The following ZDHHC20 variants were observed in gnomAD, a reference collection of about 807,000 sequenced individuals.
ZDHHC20 encodes palmitoyltransferase ZDHHC20.
Under a neutral mutation model 57.8 loss-of-function variants are expected in ZDHHC20, and 43 were observed. The ratio of observed to expected loss-of-function variants is 0.74; its 90% CI spans 0.58 to 0.96. The LOEUF (loss-of-function observed/expected upper bound fraction) is 0.96, where lower values mean the gene tolerates loss of function less well. Among genes scored for constraint, ZDHHC20 ranks in the 40% least tolerant of loss-of-function variants. The probability of loss-of-function intolerance (pLI) is 0.00; values close to 1 mark genes in which losing one functional copy is unlikely to be tolerated. For missense variants in ZDHHC20, 391 were observed against 441.1 expected (o/e 0.89, Z 1.02); for synonymous variants, 157 against 153.0 (o/e 1.03, Z -0.19).
Position 21,448,475 on chromosome 13 carries a change from A to G in ZDHHC20, c.118+10579T>C, listed in dbSNP as rs1252584798. 1.5e-4 allele frequency among the ~76,000 whole-genome samples: 13 copies of G among 88,222 alleles called. 4 individuals carry two copies. The highest frequency in any genetic ancestry group is 3.4e-4 in the Non-Finnish European group (13 of 38,376). The allele number at this position is 88,222 out of a possible 152,430, so 57.9% of individuals were successfully genotyped here. On this transcript the variant is annotated intron_variant, in intron 1 of 12. Transcript: ENST00000400590. The stretch of plus-strand genomic sequence containing the variant: ...GTCCGGGAAGGAGGTGGGGGGGGTC[A>G]GCCCCGCCGCCCGGCCAGCCGCCCC...
At chr13:21,417,165 C>T (rs1417520157) in intron 3 of ZDHHC20, among the ~76,000 whole-genome samples, 2 of 152,152 alleles carry the variant, frequency 1.3e-5, no homozygotes, top group Non-Finnish European at 1.5e-5. Flanking sequence ...ACCACTTCCT[C>T]GGAGATTTAT....
chr13:21,428,662 C>T (rs1046112503), intron 1 of ZDHHC20, among the ~76,000 whole-genome samples: 1 of 151,488 alleles, frequency 6.6e-6, no homozygotes, highest in Admixed American at 6.6e-5. Context: ...AGTTCAAGAC[C>T]AGCCTGGCCA....
intron 4 of ZDHHC20, among the ~76,000 whole-genome samples, chr13:21,412,072 A>G (rs1372847666): frequency 6.6e-6 from 1 of 152,180 alleles, no homozygotes; most frequent in Non-Finnish European, 1.5e-5. Flanking sequence ...TGGCGATTGG[A>G]TGCTCTGGGC....
intron 3 of ZDHHC20, among the ~76,000 whole-genome samples, chr13:21,418,476 C>A (rs534686319): frequency 6.6e-6 from 1 of 150,998 alleles, no homozygotes; most frequent in East Asian, 1.9e-4. Context: ...ATATTAATAT[C>A]TATTATTAAT....
chr13:21,380,531 T>C (rs985927604), intron 11 of ZDHHC20, among the ~76,000 whole-genome samples: 6 of 151,266 alleles, frequency 4.0e-5, no homozygotes, highest in Non-Finnish European at 8.8e-5. Context: ...TGGTGGCTCA[T>C]GCCTATAATC....
At chr13:21,383,794 G>A (rs1873920222) in intron 9 of ZDHHC20, among the ~76,000 whole-genome samples, 2 of 152,074 alleles carry the variant, frequency 1.3e-5, no homozygotes, top group Non-Finnish European at 2.9e-5. Flanking sequence ...TACAGATATA[G>A]GAAATAGTGA....
chr13:21,411,228 C>T (rs906877641), intron 4 of ZDHHC20, among the ~76,000 whole-genome samples: 1 of 152,194 alleles, frequency 6.6e-6, no homozygotes, highest in Non-Finnish European at 1.5e-5. Flanking sequence ...GAAGAGGGTA[C>T]CTCAGTTGGA....
chr13:21,430,148 G>T (rs578098669), intron 1 of ZDHHC20, among the ~76,000 whole-genome samples: 33 of 152,200 alleles, frequency 2.2e-4, no homozygotes, highest in African/African-American at 7.0e-4. Flanking sequence ...ATTGTATCCT[G>T]AAATGTTTTA....
chr13:21,437,074 CAG>C (rs202171493), intron 1 of ZDHHC20, among the ~76,000 whole-genome samples: 1 of 152,158 alleles, frequency 6.6e-6, no homozygotes, highest in African/African-American at 2.4e-5. Context: ...GTTTTCTAGA[CAG>C]AGAGCCAAAC....
At chr13:21,383,898 T>C (rs1234718924) in intron 9 of ZDHHC20, among the ~76,000 whole-genome samples, 4 of 152,048 alleles carry the variant, frequency 2.6e-5, no homozygotes, top group African/African-American at 4.8e-5. Context: ...CACATCAAAA[T>C]TGTATACTAT....
At chr13:21,420,151 G>A (rs1229601243) in intron 3 of ZDHHC20, among the ~76,000 whole-genome samples, 2 of 152,154 alleles carry the variant, frequency 1.3e-5, no homozygotes, top group Non-Finnish European at 2.9e-5. Context: ...GCCGGGCATG[G>A]TGATGCGTGC....
At chr13:21,435,844 G>A (rs1882486924) in intron 1 of ZDHHC20, among the ~76,000 whole-genome samples, 1 of 152,216 alleles carries the variant, frequency 6.6e-6, no homozygotes, top group African/African-American at 2.4e-5. Flanking sequence ...GGAATCAGAT[G>A]CTAAGACAGA....
chr13:21,381,850 A>G, intron 10 of ZDHHC20: 1 of 573,610 alleles, frequency 1.7e-6, no homozygotes, highest in South Asian at 1.5e-5. Context: ...AGCCATAGGT[A>G]GTACAAGGAC....
At chr13:21,411,150 G>C (rs1362609552) in intron 4 of ZDHHC20, among the ~76,000 whole-genome samples, 1 of 152,140 alleles carries the variant, frequency 6.6e-6, no homozygotes, top group Admixed American at 6.5e-5. Context: ...CGGGTGAGGC[G>C]ACGCCCTACC....
At chr13:21,385,807 C>G (rs1357921126) in intron 9 of ZDHHC20, among the ~76,000 whole-genome samples, 1 of 152,104 alleles carries the variant, frequency 6.6e-6, no homozygotes, top group Non-Finnish European at 1.5e-5. Context: ...GGAACCTCAT[C>G]AAACCACTTA....
chr13:21,411,627 T>C (rs1373439249), intron 4 of ZDHHC20, among the ~76,000 whole-genome samples: 2 of 152,158 alleles, frequency 1.3e-5, no homozygotes, highest in African/African-American at 4.8e-5. Flanking sequence ...GGCTCTGAGA[T>C]GGGATTAAAC....
intron 3 of ZDHHC20, among the ~76,000 whole-genome samples, chr13:21,417,469 C>T (rs1455094747): frequency 6.6e-6 from 1 of 152,012 alleles, no homozygotes; most frequent in African/African-American, 2.4e-5. Context: ...GACAGAGTTT[C>T]ACTCTTGTTG....
At chr13:21,428,586 C>T (rs897636121) in intron 1 of ZDHHC20, among the ~76,000 whole-genome samples, 7 of 151,510 alleles carry the variant, frequency 4.6e-5, no homozygotes, top group Non-Finnish European at 7.4e-5. Context: ...TAGGACTGGG[C>T]GTGGTGGCTC....
chr13:21,414,376 T>A (rs1432057408), intron 3 of ZDHHC20, among the ~76,000 whole-genome samples: 1 of 151,712 alleles, frequency 6.6e-6, no homozygotes, highest in Non-Finnish European at 1.5e-5. Context: ...TTTCTTTTTT[T>A]TTGAGACGGA....
Sources: allele counts gnomAD v4.1 joint callset (sites outside exome capture counted in the v4.1 genomes callset), GRCh38; gene constraint gnomAD v4.1.1; transcripts MANE v1.5; gene names NCBI Gene and HGNC (gene_info 2026-07-23, HGNC 2026-07-21).